The following CREB5 variants were observed in gnomAD, a reference collection of about 807,000 sequenced individuals.
CREB5 encodes the protein cAMP responsive element binding protein 5.
CREB5 carries 19 observed loss-of-function variants against 57.1 expected under a neutral mutation model. The observed-to-expected ratio is 0.33, with a 90% confidence interval of 0.23 to 0.49. The LOEUF (loss-of-function observed/expected upper bound fraction) is 0.49, where lower values mean the gene tolerates loss of function less well. CREB5 is among the 20% of genes least tolerant of loss of function. The pLI is 0.99. For missense variants in CREB5, 579 were observed against 671.6 expected (o/e 0.86, Z 1.52); for synonymous variants, 238 against 238.3 (o/e 1.00, Z 0.01).
At chr7:28,716,225 C>T (rs115443421) in intron 5 of CREB5, among the ~76,000 whole-genome samples, 1,668 of 152,086 alleles carry the variant, frequency 0.011, 43 homozygotes, top group African/African-American at 0.038. Flanking sequence ...TGAAAAAGAA[C>T]ACCTCAAAAA....
At chr7:28,314,547 C>T (rs933899721) in intron 1 of CREB5, among the ~76,000 whole-genome samples, 6 of 152,122 alleles carry the variant, frequency 3.9e-5, no homozygotes, top group African/African-American at 1.4e-4. Context: ...GTAACATCTG[C>T]CACACAGATT....
intron 5 of CREB5, among the ~76,000 whole-genome samples, chr7:28,680,281 G>A (rs541567085): frequency 6.6e-6 from 1 of 152,208 alleles, no homozygotes; most frequent in South Asian, 2.1e-4. Flanking sequence ...TCCAGGAAAG[G>A]CCTCTTTCTT....
At chr7:28,353,802 C>T (rs1786285185) in intron 1 of CREB5, among the ~76,000 whole-genome samples, 1 of 140,054 alleles carries the variant, frequency 7.1e-6, no homozygotes, top group South Asian at 2.4e-4. Context: ...GAGATCACAC[C>T]ACTGCACTCC....
intron 4 of CREB5, among the ~76,000 whole-genome samples, chr7:28,530,541 T>A (rs907677401): frequency 3.9e-5 from 6 of 152,242 alleles, no homozygotes; most frequent in Non-Finnish European, 7.3e-5. Context: ...AAGCCATTAG[T>A]CAGCCTTATT....
At chr7:28,712,329 G>A (rs1219225039) in intron 5 of CREB5, among the ~76,000 whole-genome samples, 1 of 151,702 alleles carries the variant, frequency 6.6e-6, no homozygotes, top group Non-Finnish European at 1.5e-5. Context: ...CCAACGTGGT[G>A]AAACCCCGTC....
chr7:28,383,763 A>G (rs1240667317), intron 1 of CREB5, among the ~76,000 whole-genome samples: 1 of 152,192 alleles, frequency 6.6e-6, no homozygotes, highest in Non-Finnish European at 1.5e-5. Context: ...ACAACTGGAC[A>G]TGCGATTTGG....
intron 1 of CREB5, among the ~76,000 whole-genome samples, chr7:28,400,066 TAC>T (rs3041008): frequency 0.055 from 8,257 of 150,130 alleles, 735 homozygotes; most frequent in African/African-American, 0.19. Flanking sequence ...CTGAAACAGA[TAC>T]ACACACACAC....
intron 1 of CREB5, among the ~76,000 whole-genome samples, chr7:28,461,029 C>A (rs1319906824): frequency 6.6e-6 from 1 of 151,410 alleles, no homozygotes; most frequent in African/African-American, 2.4e-5. Context: ...ATCCCCTCTA[C>A]CAACAACACA....
rs540700586 is a variant in CREB5, at chr7:28,644,113, AAGAC to A, written c.464+73580_464+73583del. Among the ~76,000 whole-genome samples the A allele has an allele frequency of 1.1e-4, 16 of 151,830 alleles. No homozygotes were observed. In the South Asian group the frequency reaches 2.3e-3, roughly 22 times the overall value. ...AAGGAAGGAAGGGAGGGAGGGGAGA[AAGAC>A]AGAGAGGGAGAGAAAGAAAAAGAAA... On this transcript the variant is annotated intron_variant, in intron 5 of 10. Coordinates refer to ENST00000357727, the MANE Select transcript of CREB5 (RefSeq NM_182898.4).
Position 28,576,737 on chromosome 7 carries a change from C to T in CREB5, c.464+6200C>T, listed in dbSNP as rs374908837. Among the ~76,000 whole-genome samples, 9 of 152,300 alleles carry T rather than the reference C, an allele frequency of 5.9e-5. No individual in the cohort carries two copies. The East Asian group carries it at 1.7e-3, about 29-fold the overall frequency. ...TGCAATTCAACTTCCAGATTTGTTC[C>T]ATTTCCTGAGGGGACAGTTGGCTTT... On this transcript the variant is annotated intron_variant, in intron 5 of 10. Coordinates refer to ENST00000357727, the MANE Select transcript of CREB5 (RefSeq NM_182898.4).
chr7:28,393,170 A>G (rs1787258030), intron 1 of CREB5, among the ~76,000 whole-genome samples: 1 of 152,082 alleles, frequency 6.6e-6, no homozygotes, highest in African/African-American at 2.4e-5. Context: ...CAGGTGATCC[A>G]CCCACCTTGA....
rs1180392566 is a variant in CREB5 at position 28,560,919 on chromosome 7, TGTGC to T, written c.292-9444_292-9441del. On this transcript the variant is annotated intron_variant, in intron 4 of 10. Coordinates refer to ENST00000357727, the MANE Select transcript of CREB5 (RefSeq NM_182898.4). Reference sequence around the variant, plus strand: ...GTGCGTGCGCGCGTGCGTGTGCGTGTGTGCGCGTGCGTGTGTGCGTGCGTGTGTG... The same window carrying T: ...GTGCGTGCGCGCGTGCGTGTGCGTGTGCGTGCGTGTGTGCGTGCGTGTGTG... Among the ~76,000 whole-genome samples the T allele has an allele frequency of 4.3e-3, 183 of 42,966 alleles. 13 individuals are homozygous for T. The highest frequency in any genetic ancestry group is 5.0e-3 in the Non-Finnish European group (111 of 22,246). 28.2% of individuals were successfully genotyped at this position (42,966 alleles called of 152,430 possible).
At chr7:28,541,338 C>T (rs112912454) in intron 4 of CREB5, among the ~76,000 whole-genome samples, 3,677 of 152,064 alleles carry the variant, frequency 0.024, 162 homozygotes, top group African/African-American at 0.084. Context: ...AGAAAGAATG[C>T]GCAGAACCCA....
chr7:28,377,917 G>T (rs1283203138), intron 1 of CREB5, among the ~76,000 whole-genome samples: 8 of 112,598 alleles, frequency 7.1e-5, no homozygotes, highest in Non-Finnish European at 1.2e-4. Flanking sequence ...GGGAGACAGA[G>T]CGAGACTCTA....
At chr7:28,560,907 T>TGTGC (rs1345229998) in intron 4 of CREB5, among the ~76,000 whole-genome samples, 1 of 42,738 alleles carries the variant, frequency 2.3e-5, no homozygotes. Context: ...CGTGCGCGCG[T>TGTGC]GCGTGTGCGT....
intron 7 of CREB5, among the ~76,000 whole-genome samples, chr7:28,790,638 G>A (rs926053669): frequency 6.6e-6 from 1 of 152,198 alleles, no homozygotes; most frequent in African/African-American, 2.4e-5. Flanking sequence ...CCAGAACCAA[G>A]TGGTGAGCTC....
At chr7:28,328,983 C>T (rs1562659226) in intron 1 of CREB5, among the ~76,000 whole-genome samples, 1 of 152,222 alleles carries the variant, frequency 6.6e-6, no homozygotes, top group Non-Finnish European at 1.5e-5. Context: ...TTACCCTCTC[C>T]TTTCTGAGAG....
intron 1 of CREB5, among the ~76,000 whole-genome samples, chr7:28,306,596 T>G (rs1229473505): frequency 3.0e-5 from 4 of 133,140 alleles, no homozygotes; most frequent in Non-Finnish European, 4.7e-5. Flanking sequence ...AGTCTCGCTC[T>G]GTCGCCCAGG....
At chr7:28,520,154 A>C (rs1793144305) in intron 4 of CREB5, among the ~76,000 whole-genome samples, 1 of 152,214 alleles carries the variant, frequency 6.6e-6, no homozygotes, top group South Asian at 2.1e-4. Context: ...GCTTTTCATC[A>C]AAGGCTAAGT....
Sources: allele counts gnomAD v4.1 joint callset (sites outside exome capture counted in the v4.1 genomes callset), GRCh38; gene constraint gnomAD v4.1.1; transcripts MANE v1.5; gene names NCBI Gene and HGNC (gene_info 2026-07-23, HGNC 2026-07-21).